Variants in CTNNA2 observed in about 807,000 individuals in gnomAD.
CTNNA2 encodes catenin alpha 2.
A neutral mutation model predicts 101.0 loss-of-function variants in CTNNA2; 42 were observed. That is an observed-to-expected ratio of 0.42 (90% CI 0.32 to 0.54). The LOEUF is 0.54. Among genes scored for constraint, CTNNA2 ranks in the 20% least tolerant of loss-of-function variants. The probability of loss-of-function intolerance (pLI) is 0.14; values close to 1 mark genes in which losing one functional copy is unlikely to be tolerated. For missense variants in CTNNA2, 871 were observed against 1,223.1 expected (o/e 0.71, Z 4.29); for synonymous variants, 450 against 456.4 (o/e 0.99, Z 0.18).
intron 1 of CTNNA2, among the ~76,000 whole-genome samples, chr2:79,569,791 A>T (rs950907453): frequency 6.6e-6 from 1 of 152,228 alleles, no homozygotes; most frequent in African/African-American, 2.4e-5. Context: ...AATATAAAAT[A>T]TTACAAATAC....
intron 9 of CTNNA2, among the ~76,000 whole-genome samples, chr2:80,482,340 A>G (rs1686217008): frequency 1.3e-5 from 2 of 152,126 alleles, no homozygotes; most frequent in African/African-American, 4.8e-5. Context: ...TAATTACAGG[A>G]GTACAGTTCC....
rs74725409 is a variant in CTNNA2 at position 79,476,877 on chromosome 2, A to G, written c.-134-28177A>G. Among the ~76,000 whole-genome samples, 1,651 of 152,232 alleles carry G rather than the reference A, an allele frequency of 0.011. 81 individuals carry two copies. The East Asian group carries it at 0.13, about 12-fold the overall frequency. On this transcript the variant is annotated intron_variant, in intron 4 of 21. Transcript: ENST00000466387. Reference sequence around the variant, plus strand: ...TAGTGCCCCAGAAGACAGGTGGGAAATTTCAAGTCTTTCTTGTGCCTAAAA... The same window carrying G: ...TAGTGCCCCAGAAGACAGGTGGGAAGTTTCAAGTCTTTCTTGTGCCTAAAA...
chr2:79,762,844 A>G (rs1413727624), intron 3 of CTNNA2, among the ~76,000 whole-genome samples: 1 of 152,208 alleles, frequency 6.6e-6, no homozygotes, highest in Non-Finnish European at 1.5e-5. Flanking sequence ...CATGAGGTTT[A>G]GTTTTTCATA....
chr2:80,203,799 C>T (rs1040097864), intron 7 of CTNNA2, among the ~76,000 whole-genome samples: 4 of 152,248 alleles, frequency 2.6e-5, no homozygotes, highest in Non-Finnish European at 5.9e-5. Flanking sequence ...CCACATTTCC[C>T]TTCCGCACTG....
intron 4 of CTNNA2, among the ~76,000 whole-genome samples, chr2:79,407,068 T>C (rs1299922741): frequency 6.6e-6 from 1 of 152,202 alleles, no homozygotes; most frequent in African/African-American, 2.4e-5. Flanking sequence ...GCTTCAACCC[T>C]GGACTCATTT....
intron 9 of CTNNA2, among the ~76,000 whole-genome samples, chr2:80,516,109 T>C (rs1467553459): frequency 2.6e-5 from 4 of 151,890 alleles, no homozygotes; most frequent in South Asian, 4.2e-4. Context: ...TGAGGCAGAG[T>C]GTGTGAAGCC....
chr2:79,609,107 G>A (rs1678098476), intron 1 of CTNNA2, among the ~76,000 whole-genome samples: 1 of 151,844 alleles, frequency 6.6e-6, no homozygotes, highest in Non-Finnish European at 1.5e-5. Context: ...AAACATATGA[G>A]TTACTTAGAG....
intron 4 of CTNNA2, among the ~76,000 whole-genome samples, chr2:79,449,888 G>C (rs75637148): frequency 0.02 from 2,970 of 152,118 alleles, 92 homozygotes; most frequent in African/African-American, 0.067. Flanking sequence ...ACAAATGCAG[G>C]ATTGGGGTTT....
intron 7 of CTNNA2, among the ~76,000 whole-genome samples, chr2:80,283,981 T>C (rs1421805719): frequency 6.6e-6 from 1 of 152,206 alleles, no homozygotes; most frequent in Non-Finnish European, 1.5e-5. Context: ...ACTTGTATTA[T>C]CTCAATTCCC....
At chr2:79,630,476 C>G (rs183962572) in intron 1 of CTNNA2, among the ~76,000 whole-genome samples, 1 of 152,052 alleles carries the variant, frequency 6.6e-6, no homozygotes, top group East Asian at 1.9e-4. Flanking sequence ...ATCTGATTTA[C>G]GTAAAAGAGA....
intron 1 of CTNNA2, among the ~76,000 whole-genome samples, chr2:79,638,023 A>ATGT (rs1210996183): frequency 3.3e-5 from 5 of 152,184 alleles, no homozygotes; most frequent in Non-Finnish European, 5.9e-5. Context: ...TCTGATACAC[A>ATGT]TGTTGTTACT....
At chr2:79,990,489 T>C (rs933784604) in intron 7 of CTNNA2, among the ~76,000 whole-genome samples, 4 of 152,074 alleles carry the variant, frequency 2.6e-5, no homozygotes, top group African/African-American at 9.7e-5. Context: ...CAATAGATGC[T>C]CAAAATCCCA....
intron 9 of CTNNA2, among the ~76,000 whole-genome samples, chr2:80,439,677 A>G (rs766469837): frequency 6.6e-6 from 1 of 152,218 alleles, no homozygotes; most frequent in Non-Finnish European, 1.5e-5. Flanking sequence ...CTGGGATTAC[A>G]GGCATGAGCC....
chr2:79,857,886 G>A (rs1574147559), intron 3 of CTNNA2, 127 bp from the exon 4 acceptor site: 1 of 962,562 alleles, frequency 1.0e-6, no homozygotes, highest in East Asian at 2.4e-5. Context: ...CAATAGAGGT[G>A]GCAGAAATAC....
intron 7 of CTNNA2, among the ~76,000 whole-genome samples, chr2:80,206,956 A>G (rs1387450836): frequency 1.8e-4 from 27 of 152,172 alleles, no homozygotes; most frequent in Admixed American, 1.8e-3. Context: ...TAGAAAAAGC[A>G]GAGCTGGCAT....
At chr2:79,760,365 G>T (rs948487330) in intron 3 of CTNNA2, among the ~76,000 whole-genome samples, 1 of 151,992 alleles carries the variant, frequency 6.6e-6, no homozygotes, top group African/African-American at 2.4e-5. Context: ...AGAACCAATA[G>T]GTTATATATG....
chr2:80,145,403 A>G (rs1703270407), intron 7 of CTNNA2, among the ~76,000 whole-genome samples: 1 of 152,160 alleles, frequency 6.6e-6, no homozygotes, highest in Admixed American at 6.5e-5. Context: ...CCCTTTGATT[A>G]GCTTTCTCCA....
chr2:80,634,747 A>T (rs1662588352), intron 18 of CTNNA2, among the ~76,000 whole-genome samples: 1 of 152,172 alleles, frequency 6.6e-6, no homozygotes, highest in Admixed American at 6.6e-5. Context: ...AGTGAAGAAG[A>T]TGAAAAGAGA....
chr2:80,306,000 G>T (rs1676902477), intron 7 of CTNNA2, among the ~76,000 whole-genome samples: 1 of 152,212 alleles, frequency 6.6e-6, no homozygotes, highest in Non-Finnish European at 1.5e-5. Flanking sequence ...GATTACCAGA[G>T]CCAGGGTAGA....
Sources: allele counts gnomAD v4.1 joint callset (sites outside exome capture counted in the v4.1 genomes callset), GRCh38; gene constraint gnomAD v4.1.1; transcripts MANE v1.5; gene names NCBI Gene and HGNC (gene_info 2026-07-23, HGNC 2026-07-21).